Variants in AFF3 observed in about 807,000 individuals in gnomAD.
The protein encoded by AFF3 is AF4/FMR2 family member 3.
In AFF3, 32 loss-of-function variants were observed where a neutral mutation model predicts 129.7. That is an observed-to-expected ratio of 0.25 (90% CI 0.19 to 0.33). AFF3 has a LOEUF of 0.33. Ranked by LOEUF, AFF3 falls within the 10% of genes least tolerant of loss-of-function variation. The pLI is 1.00. For missense variants in AFF3, 1,373 were observed against 1,592.0 expected (o/e 0.86, Z 2.34); for synonymous variants, 644 against 635.4 (o/e 1.01, Z -0.20).
chr2:99,873,087 T>G (rs1469696364), intron 7 of AFF3, among the ~76,000 whole-genome samples: 1 of 152,222 alleles, frequency 6.6e-6, no homozygotes, highest in African/African-American at 2.4e-5. Context: ...AAACGTAGCT[T>G]TTCTCAAGAC....
chr2:100,116,231 T>C (rs1011874998), intron 2 of AFF3, among the ~76,000 whole-genome samples: 9 of 152,130 alleles, frequency 5.9e-5, no homozygotes, highest in African/African-American at 2.2e-4. Flanking sequence ...TCTATATCCT[T>C]ATGTTTTATA....
At chr2:99,697,966 T>C (rs10185240) in intron 11 of AFF3, among the ~76,000 whole-genome samples, 77,962 of 152,082 alleles carry the variant, frequency 0.51, 20,127 homozygotes, top group East Asian at 0.66. Context: ...GTCTCATTTA[T>C]GATGCTCTAT....
At chr2:99,824,264 C>T (rs1311128246) in intron 8 of AFF3, among the ~76,000 whole-genome samples, 2 of 151,988 alleles carry the variant, frequency 1.3e-5, no homozygotes, top group Non-Finnish European at 2.9e-5. Context: ...TACAGGCATG[C>T]ACCACCATGC....
chr2:99,648,917 A>ACACACACACACTCTCTCTCTCTCT, intron 13 of AFF3, among the ~76,000 whole-genome samples: 2 of 46,860 alleles, frequency 4.3e-5, no homozygotes, highest in Admixed American at 2.6e-4. Flanking sequence ...ACACACACAC[A>ACACACACACACTCTCTCTCTCTCT]CTCTCTCTCT....
intron 7 of AFF3, among the ~76,000 whole-genome samples, chr2:99,929,918 CTTT>C (rs550584146): frequency 7.0e-6 from 1 of 141,886 alleles, no homozygotes; most frequent in Admixed American, 7.1e-5. Context: ...GAATTTTTAG[CTTT>C]TTTTTTTTTT....
At chr2:99,779,431 AT>A (rs2105370352) in intron 8 of AFF3, among the ~76,000 whole-genome samples, 1 of 152,376 alleles carries the variant, frequency 6.6e-6, no homozygotes, top group Admixed American at 6.5e-5. Context: ...ATAATATTAC[AT>A]AGCAGTGTGG....
intron 7 of AFF3, among the ~76,000 whole-genome samples, chr2:99,889,720 G>A (rs1693401630): frequency 3.3e-5 from 5 of 152,178 alleles, no homozygotes; most frequent in Admixed American, 6.5e-5. Flanking sequence ...GTGAACTGGC[G>A]TGATCTCAGC....
chr2:99,865,935 C>A (rs1278362130), intron 7 of AFF3, among the ~76,000 whole-genome samples: 1 of 152,232 alleles, frequency 6.6e-6, no homozygotes, highest in African/African-American at 2.4e-5. Flanking sequence ...TTCAATCATT[C>A]ATTCAACAAA....
At chr2:99,912,701 C>T (rs147440099) in intron 7 of AFF3, among the ~76,000 whole-genome samples, 60 of 152,202 alleles carry the variant, frequency 3.9e-4, no homozygotes, top group African/African-American at 1.4e-3. Flanking sequence ...TCATACATAC[C>T]CAATGGATAA....
intron 21 of AFF3, among the ~76,000 whole-genome samples, chr2:99,560,124 C>T (rs538325086): frequency 6.6e-6 from 1 of 152,232 alleles, no homozygotes; most frequent in Non-Finnish European, 1.5e-5. Flanking sequence ...AGGCCGGGCA[C>T]AGTGGCTCAT....
intron 8 of AFF3, among the ~76,000 whole-genome samples, chr2:99,787,994 T>G (rs1684928645): frequency 1.3e-5 from 2 of 152,224 alleles, no homozygotes; most frequent in South Asian, 4.1e-4. Context: ...ATAATGGAGC[T>G]GACGTCCTAT....
chr2:99,941,227 CAG>C (rs1307060581), intron 7 of AFF3, among the ~76,000 whole-genome samples: 2 of 152,068 alleles, frequency 1.3e-5, no homozygotes, highest in African/African-American at 4.8e-5. Flanking sequence ...GGCAAACAGT[CAG>C]AGAGAAAAAA....
chr2:99,997,610 C>A (rs1024258551), intron 7 of AFF3, among the ~76,000 whole-genome samples: 2 of 152,268 alleles, frequency 1.3e-5, no homozygotes, highest in East Asian at 3.9e-4. Flanking sequence ...CTCCTCTGCT[C>A]CAAACCCTTC....
intron 7 of AFF3, among the ~76,000 whole-genome samples, chr2:99,959,720 T>TATGC (rs1677042380): frequency 6.7e-6 from 1 of 149,650 alleles, no homozygotes. Context: ...TATATATATA[T>TATGC]ATGCGATTAT....
At chr2:99,907,049 A>T (rs1260487225) in intron 7 of AFF3, among the ~76,000 whole-genome samples, 1 of 152,184 alleles carries the variant, frequency 6.6e-6, no homozygotes, top group East Asian at 1.9e-4. Context: ...CATGCCAGGC[A>T]ATTACTGAAT....
chr2:99,768,979 CT>C (rs933292347), intron 8 of AFF3, among the ~76,000 whole-genome samples: 3 of 152,138 alleles, frequency 2.0e-5, no homozygotes, highest in African/African-American at 4.8e-5. Context: ...AGGTAGCCTT[CT>C]TTGGGTTAAA....
chr2:99,805,648 T>C (rs1686282072), intron 8 of AFF3, among the ~76,000 whole-genome samples: 1 of 152,210 alleles, frequency 6.6e-6, no homozygotes. Context: ...GGAAAATCCC[T>C]ACTCCTCTTC....
intron 7 of AFF3, among the ~76,000 whole-genome samples, chr2:99,863,296 C>T (rs776646556): frequency 6.6e-6 from 1 of 152,074 alleles, no homozygotes; most frequent in Non-Finnish European, 1.5e-5. Context: ...AAAAGTAATG[C>T]TTTTGGGCAA....
intron 8 of AFF3, among the ~76,000 whole-genome samples, chr2:99,827,952 G>A (rs1293343636): frequency 3.3e-5 from 5 of 152,104 alleles, no homozygotes; most frequent in Admixed American, 6.5e-5. Flanking sequence ...AAGGTGAAGC[G>A]TCTGCGGAGG....
Sources: gnomAD v4.1 joint callset for allele counts (sites outside exome capture counted in the v4.1 genomes callset) on GRCh38, gnomAD v4.1.1 for gene constraint, MANE v1.5 for transcripts, NCBI Gene and HGNC (gene_info 2026-07-23, HGNC 2026-07-21) for gene names.